DACH1: variants seen among roughly 807,000 people sequenced by gnomAD.
DACH1 encodes dachshund homolog 1.
In DACH1, 12 loss-of-function variants were observed where a neutral mutation model predicts 54.2. The observed-to-expected ratio is 0.22, with a 90% confidence interval of 0.14 to 0.36. The LOEUF is 0.36. DACH1 is among the 10% of genes least tolerant of loss of function. The pLI, the probability that DACH1 is intolerant of heterozygous loss-of-function variation, is 1.00. For missense variants in DACH1, 805 were observed against 929.8 expected (o/e 0.87, Z 1.75); for synonymous variants, 386 against 366.2 (o/e 1.05, Z -0.62).
At chr13:71,690,586 G>T (rs1210775295) in intron 1 of DACH1, among the ~76,000 whole-genome samples, 1 of 152,132 alleles carries the variant, frequency 6.6e-6, no homozygotes, top group Non-Finnish European at 1.5e-5. Flanking sequence ...CTTTCTCAAA[G>T]CTCCTGTCAT....
chr13:71,474,548 T>C (rs1877349824), intron 10 of DACH1, among the ~76,000 whole-genome samples: 2 of 152,186 alleles, frequency 1.3e-5, no homozygotes, highest in South Asian at 2.1e-4. Context: ...ACAATATACA[T>C]ATTTAGCTCT....
At chr13:71,863,111 GA>G (rs1160603356) in intron 1 of DACH1, among the ~76,000 whole-genome samples, 1 of 151,970 alleles carries the variant, frequency 6.6e-6, no homozygotes, top group East Asian at 1.9e-4. Flanking sequence ...TGACTTGAAT[GA>G]AAAAAGTAAT....
Position 71,604,603 on chromosome 13 carries a change from G to A in DACH1, c.1126+25953C>T, listed in dbSNP as rs116572507. On this transcript the variant is annotated intron_variant, in intron 3 of 10. Transcript: ENST00000613252. ...TTTTTAGGAATTAAAACTAATGAAG[G>A]TGACATAACTGAAACAAAAATATAA... 5.9e-3 allele frequency among the ~76,000 whole-genome samples: 899 copies of A among 151,888 alleles called. 7 individuals are homozygous for A. The highest frequency in any genetic ancestry group is 0.021 in the African/African-American group (857 of 41,508).
intron 3 of DACH1, among the ~76,000 whole-genome samples, chr13:71,605,966 G>C (rs1474776424): frequency 1.3e-5 from 2 of 152,024 alleles, no homozygotes; most frequent in East Asian, 3.9e-4. Flanking sequence ...CAGCTATCAT[G>C]TGTTGAACTG....
chr13:71,486,438 C>T (rs1324583245), intron 7 of DACH1, among the ~76,000 whole-genome samples: 3 of 151,900 alleles, frequency 2.0e-5, no homozygotes, highest in Non-Finnish European at 2.9e-5. Flanking sequence ...CCTAATAATC[C>T]GGGGTCATGA....
At chr13:71,731,313 A>G (rs984676288) in intron 1 of DACH1, among the ~76,000 whole-genome samples, 3 of 135,008 alleles carry the variant, frequency 2.2e-5, no homozygotes, top group African/African-American at 5.7e-5. Flanking sequence ...TTTTTTGGAG[A>G]CAGAGTCTCG....
At chr13:71,752,642 C>A (rs920171187) in intron 1 of DACH1, among the ~76,000 whole-genome samples, 1 of 152,084 alleles carries the variant, frequency 6.6e-6, no homozygotes, top group Non-Finnish European at 1.5e-5. Context: ...TTCCCCCAAA[C>A]AAAATCTGTC....
At chr13:71,471,155 A>G (rs895162191) in intron 10 of DACH1, among the ~76,000 whole-genome samples, 10 of 152,090 alleles carry the variant, frequency 6.6e-5, no homozygotes, top group Non-Finnish European at 1.3e-4. Context: ...GGGAGCACAG[A>G]GATTGGAGGG....
rs998071503 is a variant in DACH1, at chr13:71,439,897, T to G, written c.*758A>C. On this transcript the variant is annotated 3_prime_UTR_variant, in exon 11 of 11. Transcript: ENST00000613252. ...TAAGAAGCAACATTATTATCTTTAA[T>G]TCTACATACCACTACCAGTTTGGAA... The G allele has an allele frequency of 6.6e-6, 1 of 152,562 alleles. No individual in the cohort carries two copies. The highest frequency in any genetic ancestry group is 2.4e-5 in the African/African-American group (1 of 41,564). 9.5% of individuals were successfully genotyped at this position (152,562 alleles called of 1,614,324 possible). A position where few individuals can be genotyped will look rare whatever the true frequency, so the allele number is the denominator to read the frequency against.
intron 3 of DACH1, among the ~76,000 whole-genome samples, chr13:71,593,690 G>T (rs1036360952): frequency 3.9e-5 from 6 of 151,986 alleles, no homozygotes; most frequent in African/African-American, 1.4e-4. Context: ...TGTATGCTTT[G>T]AGCTAAAAGT....
At chr13:71,527,151 T>G (rs1219344997) in intron 6 of DACH1, among the ~76,000 whole-genome samples, 2 of 151,816 alleles carry the variant, frequency 1.3e-5, no homozygotes, top group Non-Finnish European at 2.9e-5. Flanking sequence ...CAATTTAATA[T>G]TATTTCAATT....
Position 71,614,635 on chromosome 13 carries a change from C to T in DACH1, c.1126+15921G>A, listed in dbSNP as rs145466921. Among the ~76,000 whole-genome samples the T allele has an allele frequency of 7.6e-3, 1,154 of 152,196 alleles. 9 individuals carry two copies. The highest frequency in any genetic ancestry group is 0.026 in the African/African-American group (1,090 of 41,526). On this transcript the variant is annotated intron_variant, in intron 3 of 10. Coordinates refer to ENST00000613252, the MANE Select transcript of DACH1 (RefSeq NM_080759.6). Reference sequence around the variant, plus strand: ...TTGGGAGGCCAAGGCAGGAGGATCACTTGAGCCCAGGGGTCCCAGATCATC... The same window carrying T: ...TTGGGAGGCCAAGGCAGGAGGATCATTTGAGCCCAGGGGTCCCAGATCATC...
intron 6 of DACH1, among the ~76,000 whole-genome samples, chr13:71,534,519 C>T (rs1010005152): frequency 6.6e-6 from 1 of 151,676 alleles, no homozygotes; most frequent in African/African-American, 2.4e-5. Context: ...TTAAGCAAAA[C>T]ATCAACACCA....
chr13:71,807,765 A>T lies in DACH1; in HGVS notation c.848+58157T>A, dbSNP rs570430252. Among the ~76,000 whole-genome samples, 27 of 152,198 alleles carry T rather than the reference A, an allele frequency of 1.8e-4. No individual in the cohort carries two copies. The East Asian group carries it at 2.7e-3, about 15-fold the overall frequency. On this transcript the variant is annotated intron_variant, in intron 1 of 10. Transcript: ENST00000613252. ...TTTTAAAAAATTAATCCAAATGCCA[A>T]TTTTTACTCCTATCCAAATACTTTA...
intron 1 of DACH1, among the ~76,000 whole-genome samples, chr13:71,733,471 A>G (rs1883843798): frequency 6.6e-6 from 1 of 152,126 alleles, no homozygotes. Context: ...TGTGACCAAC[A>G]CACCTGGCCT....
intron 1 of DACH1, among the ~76,000 whole-genome samples, chr13:71,697,740 G>C (rs1345157485): frequency 6.6e-6 from 1 of 152,068 alleles, no homozygotes; most frequent in Non-Finnish European, 1.5e-5. Context: ...AGCACATTTT[G>C]TACTCAGAGA....
At chr13:71,738,514 G>T (rs934431525) in intron 1 of DACH1, among the ~76,000 whole-genome samples, 2 of 151,894 alleles carry the variant, frequency 1.3e-5, no homozygotes, top group African/African-American at 4.8e-5. Context: ...GGAGGATCAT[G>T]AGGTCAGGAG....
intron 6 of DACH1, among the ~76,000 whole-genome samples, chr13:71,520,718 T>G (rs1881535822): frequency 6.6e-6 from 1 of 151,436 alleles, no homozygotes; most frequent in Non-Finnish European, 1.5e-5. Context: ...GGAAATTGAA[T>G]TAACAATAGC....
intron 10 of DACH1, among the ~76,000 whole-genome samples, chr13:71,458,309 C>T (rs971541761): frequency 6.6e-6 from 1 of 151,720 alleles, no homozygotes; most frequent in African/African-American, 2.4e-5. Flanking sequence ...AAAAATTTTG[C>T]AAAATATGTT....
Sources: gnomAD v4.1 joint callset for allele counts (sites outside exome capture counted in the v4.1 genomes callset) on GRCh38, gnomAD v4.1.1 for gene constraint, MANE v1.5 for transcripts, NCBI Gene and HGNC (gene_info 2026-07-23, HGNC 2026-07-21) for gene names.